The following LRRC69 variants were observed in gnomAD, a reference collection of about 807,000 sequenced individuals.
LRRC69 encodes the protein leucine rich repeat containing 69.
In LRRC69, 42 loss-of-function variants were observed where a neutral mutation model predicts 37.8. The ratio of observed to expected loss-of-function variants is 1.11; its 90% confidence interval spans 0.87 to 1.44. The LOEUF (loss-of-function observed/expected upper bound fraction) is 1.44. Among genes scored for constraint, LRRC69 ranks in the 40% most tolerant of loss-of-function variants. The pLI, the probability that LRRC69 is intolerant of heterozygous loss-of-function variation, is 0.00. For missense variants in LRRC69, 357 were observed against 401.9 expected (o/e 0.89, Z 0.96); for synonymous variants, 141 against 143.1 (o/e 0.99, Z 0.11).
intron 5 of LRRC69, among the ~76,000 whole-genome samples, chr8:91,177,782 C>A (rs540501475): frequency 1.1e-4 from 16 of 151,404 alleles, no homozygotes; most frequent in African/African-American, 3.9e-4. Context: ...ATTTCTTTCT[C>A]TTTTTATCTC....
At chr8:91,188,398 C>T (rs73303699) in intron 5 of LRRC69, among the ~76,000 whole-genome samples, 4,231 of 152,274 alleles carry the variant, frequency 0.028, 194 homozygotes, top group African/African-American at 0.096. Context: ...GGAGCCACTT[C>T]ACCCAGGCTC....
chr8:91,162,726 T>C (rs1224029259), intron 5 of LRRC69, among the ~76,000 whole-genome samples: 2 of 151,316 alleles, frequency 1.3e-5, no homozygotes, highest in East Asian at 3.9e-4. Context: ...AATCTTATAG[T>C]TGGGAAAATT....
intron 1 of LRRC69, chr8:91,118,299 G>A (rs1813550842): frequency 4.7e-6 from 2 of 427,752 alleles, no homozygotes; most frequent in South Asian, 3.2e-5. Context: ...GAAACCAGGA[G>A]TTCGAGACCA....
At chr8:91,199,849 A>G (rs889535054) in intron 6 of LRRC69, among the ~76,000 whole-genome samples, 13 of 152,196 alleles carry the variant, frequency 8.5e-5, no homozygotes, top group African/African-American at 2.4e-4. Context: ...ATATATTTTT[A>G]TTAAGATGAT....
chr8:91,167,772 A>G (rs1052020452), intron 5 of LRRC69, among the ~76,000 whole-genome samples: 2 of 151,936 alleles, frequency 1.3e-5, no homozygotes, highest in Non-Finnish European at 2.9e-5. Context: ...TGTTGGTGCC[A>G]GTCAGCACAC....
intron 1 of LRRC69, among the ~76,000 whole-genome samples, chr8:91,118,953 A>G (rs559847466): frequency 2.6e-5 from 4 of 152,188 alleles, no homozygotes; most frequent in South Asian, 2.1e-4. Context: ...TAATGACTCA[A>G]TCTAGTCCTG....
chr8:91,165,775 C>G (rs1312371109), intron 5 of LRRC69, among the ~76,000 whole-genome samples: 2 of 151,784 alleles, frequency 1.3e-5, no homozygotes, highest in African/African-American at 4.8e-5. Context: ...AGTCTGGAAT[C>G]AGACAAACTT....
chr8:91,124,062 G>A (rs568151906), intron 1 of LRRC69, among the ~76,000 whole-genome samples: 3 of 152,078 alleles, frequency 2.0e-5, no homozygotes, highest in South Asian at 2.1e-4. Context: ...TCATTTGGGA[G>A]TAGTATGTCA....
chr8:91,211,852 T>C (rs376559768), intron 7 of LRRC69, among the ~76,000 whole-genome samples: 186 of 152,088 alleles, frequency 1.2e-3, no homozygotes, highest in African/African-American at 4.2e-3. Context: ...GGATGATAAA[T>C]GGGTCTTTAT....
chr8:91,206,942 T>C (rs1809816053), intron 7 of LRRC69: 2 of 903,728 alleles, frequency 2.2e-6, no homozygotes, highest in African/African-American at 3.5e-5. Flanking sequence ...GTCTGGGCTA[T>C]GTTTCCTATG....
intron 5 of LRRC69, among the ~76,000 whole-genome samples, chr8:91,154,757 A>C (rs573805308): frequency 6.6e-6 from 1 of 151,944 alleles, no homozygotes; most frequent in South Asian, 2.1e-4. Flanking sequence ...ACAAACCCAC[A>C]GCCAATATCA....
intron 7 of LRRC69, among the ~76,000 whole-genome samples, chr8:91,212,259 T>C (rs1283828487): frequency 6.6e-6 from 1 of 152,154 alleles, no homozygotes; most frequent in Non-Finnish European, 1.5e-5. Flanking sequence ...ATAAAATTCT[T>C]TCCAAACACT....
intron 7 of LRRC69, among the ~76,000 whole-genome samples, chr8:91,208,017 T>C (rs1328426186): frequency 6.6e-6 from 1 of 152,190 alleles, no homozygotes. Context: ...CTTCACATGG[T>C]CTTCCTTTGG....
chr8:91,143,196 A>G (rs1481520475), intron 5 of LRRC69, among the ~76,000 whole-genome samples: 1 of 152,006 alleles, frequency 6.6e-6, no homozygotes, highest in East Asian at 1.9e-4. Flanking sequence ...ACTAAATTTT[A>G]TTTTGGAGAA....
At chr8:91,164,733 CTG>C (rs1353934472) in intron 5 of LRRC69, among the ~76,000 whole-genome samples, 1 of 151,602 alleles carries the variant, frequency 6.6e-6, no homozygotes, top group Non-Finnish European at 1.5e-5. Flanking sequence ...GATGATAAAA[CTG>C]AGGCTTTCAG....
intron 6 of LRRC69, among the ~76,000 whole-genome samples, chr8:91,197,918 T>G (rs1809645069): frequency 6.6e-6 from 1 of 152,210 alleles, no homozygotes; most frequent in South Asian, 2.1e-4. Context: ...TAGCTATCTA[T>G]GCCTGTAATA....
chr8:91,105,332 T>C (rs1002507423), intron 1 of LRRC69, among the ~76,000 whole-genome samples: 31 of 151,280 alleles, frequency 2.0e-4, no homozygotes, highest in Non-Finnish European at 3.8e-4. Flanking sequence ...CCTCAAAGAA[T>C]GGTTGTAGAT....
intron 5 of LRRC69, among the ~76,000 whole-genome samples, chr8:91,186,184 A>G (rs1809405066): frequency 6.6e-6 from 1 of 152,224 alleles, no homozygotes; most frequent in South Asian, 2.1e-4. Context: ...TTTATTGAAC[A>G]TCAGCTCTGT....
intron 5 of LRRC69, among the ~76,000 whole-genome samples, chr8:91,153,399 A>G (rs1389498787): frequency 6.6e-6 from 1 of 151,086 alleles, no homozygotes; most frequent in East Asian, 2.0e-4. Flanking sequence ...CCCCCAAACA[A>G]CAGAATATAC....
Sources: allele counts gnomAD v4.1 joint callset (sites outside exome capture counted in the v4.1 genomes callset), GRCh38; gene constraint gnomAD v4.1.1; transcripts MANE v1.5; gene names NCBI Gene and HGNC (gene_info 2026-07-23, HGNC 2026-07-21).